The following NAALADL2 variants were observed in gnomAD, a reference collection of about 807,000 sequenced individuals.
NAALADL2 encodes the protein N-acetylated alpha-linked acidic dipeptidase like 2.
A neutral mutation model predicts 87.2 loss-of-function variants in NAALADL2; 76 were observed. The ratio of observed to expected loss-of-function variants is 0.87; its 90% CI spans 0.72 to 1.05. The LOEUF (loss-of-function observed/expected upper bound fraction) is 1.05, where lower values mean the gene tolerates loss of function less well. Among genes scored for constraint, NAALADL2 ranks in the 50% least tolerant of loss-of-function variants. NAALADL2 has a pLI of 0.00. For missense variants in NAALADL2, 1,089 were observed against 945.8 expected (o/e 1.15, Z -1.99); for synonymous variants, 354 against 331.0 (o/e 1.07, Z -0.75).
intron 2 of NAALADL2, among the ~76,000 whole-genome samples, chr3:175,131,421 T>G (rs962579225): frequency 6.6e-6 from 1 of 152,148 alleles, no homozygotes; most frequent in South Asian, 2.1e-4. Context: ...TTAATCCATT[T>G]AACCCTGAGT....
chr3:175,141,736 G>A lies in NAALADL2; in HGVS notation c.545+44445G>A, dbSNP rs752642421. ...TTTATTCTAGTTTCTTTCTTCTCTG[G>A]ATTCTCAGAGCCTTACCAAACAAAC... is the stretch of plus-strand genomic sequence containing the variant. On this transcript the variant is annotated intron_variant, in intron 2 of 13. Transcript: ENST00000454872. 2.7e-4 allele frequency among the ~76,000 whole-genome samples: 41 copies of A among 151,986 alleles called. 1 individual carries two copies. The highest frequency in any genetic ancestry group is 5.0e-4 in the Non-Finnish European group (34 of 67,958).
At chr3:175,040,856 G>C (rs1207613219) in intron 1 of NAALADL2, among the ~76,000 whole-genome samples, 1 of 151,986 alleles carries the variant, frequency 6.6e-6, no homozygotes, top group Non-Finnish European at 1.5e-5. Flanking sequence ...AAGTTATACA[G>C]AACCCCATAT....
At chr3:175,517,159 A>AT (rs1372161579) in intron 9 of NAALADL2, among the ~76,000 whole-genome samples, 2 of 152,186 alleles carry the variant, frequency 1.3e-5, no homozygotes, top group Admixed American at 1.3e-4. Context: ...TATTTCTTCC[A>AT]AAGTTTCTAC....
rs544305241 is a variant in NAALADL2 at position 175,384,937 on chromosome 3, G to A, written c.1090+60612G>A. Among the ~76,000 whole-genome samples the A allele has an allele frequency of 2.0e-4, 31 of 152,018 alleles. No homozygotes were observed. In the South Asian group the frequency reaches 2.7e-3, roughly 13 times the overall value. On this transcript the variant is annotated intron_variant, in intron 5 of 13. Coordinates refer to ENST00000454872, the MANE Select transcript of NAALADL2 (RefSeq NM_207015.3). ...ACCATGCAGAAAAAAGTAAAATAAT[G>A]AGCTGCTACTCTTGGGCCTTATTTA...
chr3:175,163,189 G>A (rs1580750304), intron 2 of NAALADL2, among the ~76,000 whole-genome samples: 1 of 152,006 alleles, frequency 6.6e-6, no homozygotes, highest in African/African-American at 2.4e-5. Flanking sequence ...AGAGGTTATA[G>A]CAGAATAGGT....
At chr3:175,350,627 G>A (rs1218047017) in intron 5 of NAALADL2, among the ~76,000 whole-genome samples, 1 of 152,146 alleles carries the variant, frequency 6.6e-6, no homozygotes, top group Admixed American at 6.6e-5. Flanking sequence ...AAAGATTCAG[G>A]TGAGAGTTAT....
intron 2 of NAALADL2, among the ~76,000 whole-genome samples, chr3:174,656,899 C>T (rs766286323): frequency 1.3e-4 from 20 of 152,084 alleles, no homozygotes; most frequent in African/African-American, 3.9e-4. Flanking sequence ...CACTTTCTTT[C>T]GGCACCTCGA....
intron 3 of NAALADL2, among the ~76,000 whole-genome samples, chr3:174,784,169 A>T (rs1716327624): frequency 6.6e-6 from 1 of 152,194 alleles, no homozygotes; most frequent in South Asian, 2.1e-4. Flanking sequence ...TAGTTTGTTT[A>T]TTAGTAATGT....
chr3:174,949,507 G>GT lies in NAALADL2; in HGVS notation c.43+90058dup, dbSNP rs528353991. Among the ~76,000 whole-genome samples the GT allele has an allele frequency of 4.6e-3, 700 of 152,030 alleles. 2 individuals are homozygous for GT. Among genetic ancestry groups the GT allele is most frequent in the African/African-American group, 0.016 (665 of 41,434 alleles). Reference sequence around the variant, plus strand: ...GAAAAATATAATTTTTTATATTGGTGTAAAAAAAACAAATTCAGTAATCAG... The same window carrying GT: ...GAAAAATATAATTTTTTATATTGGTGTTAAAAAAAACAAATTCAGTAATCAG... On this transcript the variant is annotated intron_variant, in intron 1 of 13. Coordinates refer to ENST00000454872, the MANE Select transcript of NAALADL2 (RefSeq NM_207015.3).
At chr3:174,903,842 T>TATC (rs139854729) in intron 1 of NAALADL2, among the ~76,000 whole-genome samples, 3 of 151,908 alleles carry the variant, frequency 2.0e-5, no homozygotes, top group South Asian at 4.1e-4. Flanking sequence ...CAGTCATTTT[T>TATC]ATCATCATCA....
At chr3:175,586,722 TA>T (rs1280036508) in intron 10 of NAALADL2, among the ~76,000 whole-genome samples, 1 of 152,228 alleles carries the variant, frequency 6.6e-6, no homozygotes. Context: ...TGATGATTCT[TA>T]TTAGAGCATT....
chr3:175,797,476 G>A (rs1753642192), intron 13 of NAALADL2, among the ~76,000 whole-genome samples: 2 of 152,132 alleles, frequency 1.3e-5, no homozygotes, highest in Admixed American at 6.5e-5. Flanking sequence ...TAAAGCAGGT[G>A]TATTGAAGAG....
chr3:174,852,598 T>C (rs1725375424), intron 3 of NAALADL2, among the ~76,000 whole-genome samples: 1 of 152,130 alleles, frequency 6.6e-6, no homozygotes, highest in East Asian at 1.9e-4. Context: ...TCCATGTTTA[T>C]AGAATGGAAG....
chr3:174,488,054 G>A (rs1292422506), intron 1 of NAALADL2, among the ~76,000 whole-genome samples: 2 of 151,988 alleles, frequency 1.3e-5, no homozygotes, highest in East Asian at 1.9e-4. Context: ...AGGTAGAGAC[G>A]ATACATTGGG....
chr3:175,778,647 C>T (rs1480437268), intron 13 of NAALADL2, among the ~76,000 whole-genome samples: 1 of 152,192 alleles, frequency 6.6e-6, no homozygotes, highest in African/African-American at 2.4e-5. Flanking sequence ...CTGTGCTAAG[C>T]ACTTTACATG....
At chr3:174,650,486 T>G (rs79599580) in intron 2 of NAALADL2, among the ~76,000 whole-genome samples, 5,137 of 152,244 alleles carry the variant, frequency 0.034, 235 homozygotes, top group African/African-American at 0.11. Context: ...CCTTTTCCTC[T>G]AATAGCTGTG....
chr3:175,367,418 G>A (rs1192890089), intron 5 of NAALADL2, among the ~76,000 whole-genome samples: 1 of 151,844 alleles, frequency 6.6e-6, no homozygotes, highest in African/African-American at 2.4e-5. Context: ...AGCTTGATGG[G>A]GATGGCATTG....
At chr3:175,550,172 A>C (rs1160295315) in intron 9 of NAALADL2, among the ~76,000 whole-genome samples, 1 of 152,152 alleles carries the variant, frequency 6.6e-6, no homozygotes, top group African/African-American at 2.4e-5. Context: ...ACAGACAGCC[A>C]CTGACATTTT....
intron 2 of NAALADL2, among the ~76,000 whole-genome samples, chr3:174,698,767 G>A (rs927355216): frequency 1.5e-5 from 2 of 133,516 alleles, no homozygotes; most frequent in Non-Finnish European, 3.0e-5. Context: ...GGGAGGCTGA[G>A]GCAGGAGAAT....
Sources: gnomAD v4.1 joint callset for allele counts (sites outside exome capture counted in the v4.1 genomes callset) on GRCh38, gnomAD v4.1.1 for gene constraint, MANE v1.5 for transcripts, NCBI Gene and HGNC (gene_info 2026-07-23, HGNC 2026-07-21) for gene names.